The following C1orf122 variants were observed in gnomAD, a reference collection of about 807,000 sequenced individuals.
C1orf122 encodes the protein uncharacterized protein C1orf122.
In C1orf122, 12 loss-of-function variants were observed where a neutral mutation model predicts 12.9. That is an observed-to-expected ratio of 0.93 (90% confidence interval 0.60 to 1.51). The LOEUF (loss-of-function observed/expected upper bound fraction) is 1.51, where lower values mean the gene tolerates loss of function less well. C1orf122 is among the 40% of genes most tolerant of loss of function. The pLI is 0.00. For synonymous variants in C1orf122, 57 were observed against 73.4 expected (o/e 0.78, Z 1.14); for missense variants, 144 against 162.1 (o/e 0.89, Z 0.61).
chr1:37,808,324 C>G lies in C1orf122; in HGVS notation c.-81C>G, dbSNP rs1646757783. ...GGAGACCGGTGGGGACGGGGCGGGG[C>G]GCAGCCTTGCGAAGCCCTAACGCAG... On this transcript the variant is annotated 5_prime_UTR_variant, in exon 1 of 3. Coordinates refer to ENST00000373042, the MANE Select transcript of C1orf122 (RefSeq NM_198446.3). 2.4e-5 allele frequency: 31 copies of G among 1,274,412 alleles called. No homozygotes were observed. In the South Asian group the frequency reaches 5.4e-4, roughly 22 times the overall value. The allele number at this position is 1,274,412 out of a possible 1,614,324, so 78.9% of individuals were successfully genotyped here.
rs1358711413 is a variant in C1orf122 at position 37,809,138 on chromosome 1, A to G, written c.*65A>G. The G allele has an allele frequency of 1.9e-6, 3 of 1,558,916 alleles. No individual in the cohort carries two copies. In the African/African-American group the frequency reaches 4.1e-5, roughly 21 times the overall value. On this transcript the variant is annotated 3_prime_UTR_variant, in exon 3 of 3. Transcript: ENST00000373042. ...AGGGCCGGTGGCTGGACTCTGAACA[A>G]CTCCCTTCAGTAAAGGGGCCAGTCT...
intron 2 of C1orf122, 103 bp downstream of exon 2, chr1:37,808,835 C>T: frequency 1.4e-6 from 2 of 1,439,558 alleles, no homozygotes; most frequent in Admixed American, 2.3e-5. Context: ...ATGTCTCCGC[C>T]GCTTTATCCC....
Position 37,808,440 on chromosome 1 carries a change from G to A in C1orf122, c.35+1G>A. 7.8e-7 allele frequency: 1 copy of A among 1,283,880 alleles called. No homozygotes were observed. Among genetic ancestry groups the A allele is most frequent in the Non-Finnish European group, 9.8e-7 (1 of 1,016,906 alleles). 79.5% of individuals were successfully genotyped at this position (1,283,880 alleles called of 1,614,324 possible). On this transcript the variant is annotated splice_donor_variant, in intron 1 of 2. Transcript: ENST00000373042. LOFTEE classifies it high-confidence loss of function. Reference sequence around the variant, plus strand: ...GCCCGGGCTCAGACTGGTCACGGGGGTGAGAGGGGGCCCGTCGGGGCGGGA... The same window carrying A: ...GCCCGGGCTCAGACTGGTCACGGGGATGAGAGGGGGCCCGTCGGGGCGGGA...
chr1:37,808,987 G>A lies in C1orf122; in HGVS notation c.247G>A (p.Ala83Thr). The change falls in exon 3 of 3, where the codon GCC becomes ACC. Residue 83 changes from alanine (A) to threonine (T), a missense_variant. Ala to Thr is a moderately conservative substitution (Grantham distance 58, BLOSUM62 0). Transcript: ENST00000373042. ...TTTCTGTTCCAACTAGAACGTCTCA[G>A]CCAAACCTGGAGCGCCCCCCCAGCC... ...PEPAGGGNVS[A>T]KPGAPPQPAV... 6.2e-7 allele frequency: 1 copy of A among 1,613,414 alleles called. No homozygotes were observed. The highest frequency in any genetic ancestry group is 8.5e-7 in the Non-Finnish European group (1 of 1,179,986).
chr1:37,808,893 C>T (rs1646764776), intron 2 of C1orf122, 85 bp from the exon 3 acceptor site: 1 of 1,491,116 alleles, frequency 6.7e-7, no homozygotes, highest in Non-Finnish European at 9.1e-7. Flanking sequence ...TAATACTATC[C>T]AAATGCCAAA....
Position 37,807,911 on chromosome 1 carries a change from C to T in C1orf122, c.-494C>T. On this transcript the variant is annotated 5_prime_UTR_variant, in exon 1 of 3. Coordinates refer to ENST00000373042, the MANE Select transcript of C1orf122 (RefSeq NM_198446.3). ...AGCTCGCCGCGCAGGCCAGGCCGTA[C>T]AGCGTATCGGTGGGGACGGCCACCA... 1 of 1,357,208 alleles carries T rather than the reference C, an allele frequency of 7.4e-7. No individual in the cohort carries two copies. Among genetic ancestry groups the T allele is most frequent in the Non-Finnish European group, 9.5e-7 (1 of 1,048,334 alleles). 84.1% of individuals were successfully genotyped at this position (1,357,208 alleles called of 1,614,324 possible). A position where few individuals can be genotyped will look rare whatever the true frequency, so the allele number is the denominator to read the frequency against.
In C1orf122 at chr1:37,808,334, C is replaced by A. The variant is rs1237841145; in HGVS notation, c.-71C>A. On this transcript the variant is annotated 5_prime_UTR_variant, in exon 1 of 3. Coordinates refer to ENST00000373042, the MANE Select transcript of C1orf122 (RefSeq NM_198446.3). ...GGGGACGGGGCGGGGCGCAGCCTTG[C>A]GAAGCCCTAACGCAGCGCTGGGGAG... 6 of 1,271,236 alleles carry A rather than the reference C, an allele frequency of 4.7e-6. No homozygotes were observed. Among genetic ancestry groups the A allele is most frequent in the Non-Finnish European group, 5.9e-6 (6 of 1,009,692 alleles). 78.7% of individuals were successfully genotyped at this position (1,271,236 alleles called of 1,614,324 possible).
intron 2 of C1orf122, 52 bp downstream of exon 2, chr1:37,808,784 C>T (rs1216937345): frequency 1.4e-6 from 2 of 1,464,424 alleles, no homozygotes; most frequent in African/African-American, 2.8e-5. Context: ...TGCCCACTGG[C>T]TAGGCTGGCC....
rs1646757132 is a variant in C1orf122 at position 37,808,277 on chromosome 1, C to G, written c.-128C>G. ...TCTGCGCCGGGCAGCTTAAAGGGACCACGACCCCCAGGAGGATTGAAGGAG... is the reference window on the plus strand; with the variant it reads ...TCTGCGCCGGGCAGCTTAAAGGGACGACGACCCCCAGGAGGATTGAAGGAG... On this transcript the variant is annotated 5_prime_UTR_variant, in exon 1 of 3. Transcript: ENST00000373042. 3.1e-6 allele frequency: 4 copies of G among 1,289,714 alleles called. 1 individual carries two copies. The highest frequency in any genetic ancestry group is 6.0e-4 in the Middle Eastern group (2 of 3,356). The allele number at this position is 1,289,714 out of a possible 1,614,324, so 79.9% of individuals were successfully genotyped here.
In C1orf122 at chr1:37,809,007, C is replaced by G. The variant is rs145813242; in HGVS notation, c.267C>G (p.Pro89=). The change falls in exon 3 of 3, where the codon CCC becomes CCG. Residue 89 remains proline (P), a synonymous_variant. Coordinates refer to ENST00000373042, the MANE Select transcript of C1orf122 (RefSeq NM_198446.3). ...GNVSAKPGAP[P]QPAVSARGGF... Reference sequence around the variant, plus strand: ...TCTCAGCCAAACCTGGAGCGCCCCCCCAGCCGGCTGTCTCCGCCAGAGGCG... The same window carrying G: ...TCTCAGCCAAACCTGGAGCGCCCCCGCAGCCGGCTGTCTCCGCCAGAGGCG... 2,577 of 1,613,814 alleles carry G rather than the reference C, an allele frequency of 1.6e-3. 10 individuals carry two copies. The highest frequency in any genetic ancestry group is 2.0e-3 in the Non-Finnish European group (2,345 of 1,180,026).
At position 37,808,657 on chromosome 1, in the gene C1orf122, C is replaced by T; in HGVS notation, c.162C>T (p.Leu54=). 2 of 1,390,762 alleles carry T rather than the reference C, an allele frequency of 1.4e-6. No individual in the cohort carries two copies. The highest frequency in any genetic ancestry group is 1.8e-6 in the Non-Finnish European group (2 of 1,081,460). The allele number at this position is 1,390,762 out of a possible 1,614,324, so 86.2% of individuals were successfully genotyped here. ...CGGTGGAGCAGCGGCAGCGGCAGCT[C>T]CTGGACACCATCGCAGCCTGCGAGG... The part of the protein sequence containing the change: ...LDAVEQRQRQ[L]LDTIAACEEM... The change falls in exon 2 of 3, where the codon CTC becomes CTT. Residue 54 remains leucine, a synonymous_variant. Transcript: ENST00000373042.
rs1363294454 is a variant in C1orf122 at position 37,808,281 on chromosome 1, A to AC, written c.-119dup. The AC allele has an allele frequency of 1.0e-5, 13 of 1,279,280 alleles. No homozygotes were observed. Among genetic ancestry groups the AC allele is most frequent in the Non-Finnish European group, 1.3e-5 (13 of 1,014,044 alleles). The allele number at this position is 1,279,280 out of a possible 1,614,324, so 79.2% of individuals were successfully genotyped here. ...CGCCGGGCAGCTTAAAGGGACCACG[A>AC]CCCCCAGGAGGATTGAAGGAGACCG... is the stretch of plus-strand genomic sequence containing the variant. On this transcript the variant is annotated 5_prime_UTR_variant, in exon 1 of 3. Coordinates refer to ENST00000373042, the MANE Select transcript of C1orf122 (RefSeq NM_198446.3).
chr1:37,809,445 G>A lies in C1orf122; in HGVS notation c.*372G>A. 3.4e-6 allele frequency: 1 copy of A among 290,740 alleles called. No homozygotes were observed. Among genetic ancestry groups the A allele is most frequent in the South Asian group, 3.1e-5 (1 of 32,428 alleles). The allele number at this position is 290,740 out of a possible 1,614,324, so 18.0% of individuals were successfully genotyped here. A position where few individuals can be genotyped will look rare whatever the true frequency, so the allele number is the denominator to read the frequency against. On this transcript the variant is annotated 3_prime_UTR_variant, in exon 3 of 3. Transcript: ENST00000373042. Reference sequence around the variant, plus strand: ...TAGAGCCTTGATTAAAAGGAAACCTGCAGACTCTCCTGGTGACCGACGTTT... The same window carrying A: ...TAGAGCCTTGATTAAAAGGAAACCTACAGACTCTCCTGGTGACCGACGTTT...
Position 37,808,186 on chromosome 1 carries a change from C to A in C1orf122, c.-219C>A. On this transcript the variant is annotated 5_prime_UTR_variant, in exon 1 of 3. Coordinates refer to ENST00000373042, the MANE Select transcript of C1orf122 (RefSeq NM_198446.3). ...CACCGACGCGCCGGAGACATCCGCC[C>A]AGGCCCGCTTCCGGGAGGAAGTGAC... The A allele has an allele frequency of 6.9e-7, 1 of 1,439,086 alleles. No individual in the cohort carries two copies. Among genetic ancestry groups the A allele is most frequent in the Non-Finnish European group, 9.1e-7 (1 of 1,100,586 alleles). 89.1% of individuals were successfully genotyped at this position (1,439,086 alleles called of 1,614,324 possible).
In C1orf122 at chr1:37,807,856, G is replaced by C. The variant is rs1253168135; in HGVS notation, c.-549G>C. 6.7e-7 allele frequency: 1 copy of C among 1,498,676 alleles called. No individual in the cohort carries two copies. The highest frequency in any genetic ancestry group is 8.9e-7 in the Non-Finnish European group (1 of 1,127,240). 92.8% of individuals were successfully genotyped at this position (1,498,676 alleles called of 1,614,324 possible). On this transcript the variant is annotated 5_prime_UTR_variant, in exon 1 of 3. Transcript: ENST00000373042. Reference sequence around the variant, plus strand: ...GGCTTGGCCTCGCTGCGACCCTTGAGGCGGTACACAGCGCGCAGAGCCGCC... The same window carrying C: ...GGCTTGGCCTCGCTGCGACCCTTGACGCGGTACACAGCGCGCAGAGCCGCC...
Position 37,809,217 on chromosome 1 carries a change from C to A in C1orf122, c.*144C>A. On this transcript the variant is annotated 3_prime_UTR_variant, in exon 3 of 3. Coordinates refer to ENST00000373042, the MANE Select transcript of C1orf122 (RefSeq NM_198446.3). ...CAGCCTGGAGTGGCAGCTCTGCTAGCAGCTGGGTTCACTCCCACTTCATCC... is the reference window on the plus strand; with the variant it reads ...CAGCCTGGAGTGGCAGCTCTGCTAGAAGCTGGGTTCACTCCCACTTCATCC... 1 of 976,392 alleles carries A rather than the reference C, an allele frequency of 1.0e-6. No homozygotes were observed. The highest frequency in any genetic ancestry group is 1.7e-6 in the Non-Finnish European group (1 of 598,710). The allele number at this position is 976,392 out of a possible 1,614,324, so 60.5% of individuals were successfully genotyped here. A position where few individuals can be genotyped will look rare whatever the true frequency, so the allele number is the denominator to read the frequency against.
At position 37,808,487 on chromosome 1, in the gene C1orf122, A is replaced by G. The variant is rs1569829737; in HGVS notation, c.36-44A>G. ...GGGAGGAAGGGGCTTGGCCCCGCGC[A>G]AGCGCCGGCCCTGACCGTCTGTCTC... is the stretch of plus-strand genomic sequence containing the variant. On this transcript the variant is annotated intron_variant, in intron 1 of 2. Coordinates refer to ENST00000373042, the MANE Select transcript of C1orf122 (RefSeq NM_198446.3). 4 of 1,278,558 alleles carry G rather than the reference A, an allele frequency of 3.1e-6. No individual in the cohort carries two copies. The East Asian group carries it at 9.4e-5, about 30-fold the overall frequency. 79.2% of individuals were successfully genotyped at this position (1,278,558 alleles called of 1,614,324 possible).
rs1395572079 is a variant in C1orf122, at chr1:37,809,033, G to A, written c.293G>A (p.Gly98Asp). ...CAGCCGGCTGTCTCCGCCAGAGGCG[G>A]CTTTCCAAAGGATGCTGGCGATGGA... ...PPQPAVSARG[G>D]FPKDAGDGAA... Residue 98 changes from glycine (G) to aspartate (D), a missense_variant, in exon 3 of 3, where the codon GGC becomes GAC. Physicochemically the swap from Gly to Asp is moderately conservative, Grantham distance 94. Transcript: ENST00000373042. 1 of 1,613,964 alleles carries A rather than the reference G, an allele frequency of 6.2e-7. No individual in the cohort carries two copies. Among genetic ancestry groups the A allele is most frequent in the South Asian group, 1.1e-5 (1 of 91,088 alleles).
Position 37,808,170 on chromosome 1 carries a change from G to C in C1orf122, c.-235G>C. 16 of 1,455,310 alleles carry C rather than the reference G, an allele frequency of 1.1e-5. No individual in the cohort carries two copies. Among genetic ancestry groups the C allele is most frequent in the African/African-American group, 1.5e-5 (1 of 68,286 alleles). The allele number at this position is 1,455,310 out of a possible 1,614,324, so 90.1% of individuals were successfully genotyped here. A position where few individuals can be genotyped will look rare whatever the true frequency, so the allele number is the denominator to read the frequency against. ...GGCCCTCATCCCCCTGCACCGACGC[G>C]CCGGAGACATCCGCCCAGGCCCGCT... On this transcript the variant is annotated 5_prime_UTR_variant, in exon 1 of 3. Coordinates refer to ENST00000373042, the MANE Select transcript of C1orf122 (RefSeq NM_198446.3).
Sources: gnomAD v4.1 joint callset for allele counts on GRCh38, gnomAD v4.1.1 for gene constraint, MANE v1.5 for transcripts, NCBI Gene and HGNC (gene_info 2026-07-23, HGNC 2026-07-21) for gene names.